KCTD16: variants seen among roughly 807,000 people sequenced by gnomAD.
KCTD16 encodes potassium channel tetramerization domain containing 16, also known as BTB/POZ domain-containing protein KCTD16.
KCTD16 carries 13 observed loss-of-function variants against 33.2 expected under a neutral mutation model. The ratio of observed to expected loss-of-function variants is 0.39; its 90% CI spans 0.25 to 0.62. KCTD16 has a LOEUF of 0.62. Ranked by LOEUF, KCTD16 falls within the 20% of genes least tolerant of loss-of-function variation. The pLI, the probability that KCTD16 is intolerant of heterozygous loss-of-function variation, is 0.50. For synonymous variants in KCTD16, 197 were observed against 195.3 expected, an observed-to-expected ratio of 1.01 and a Z score of -0.07; for missense variants, 441 against 525.1, an observed-to-expected ratio of 0.84 and a Z score of 1.57.
chr5:144,329,459 C>T lies in KCTD16; in HGVS notation c.832+121913C>T, dbSNP rs79651357. ...AGATCCCAACACCATAAAAAGTAAA[C>T]CCACAGCAGAGTGCTAAAAGATGAC... On this transcript the variant is annotated intron_variant, in intron 3 of 3. Transcript: ENST00000512467. 2.0e-3 allele frequency among the ~76,000 whole-genome samples: 301 copies of T among 152,190 alleles called. 1 individual carries two copies. Among genetic ancestry groups the T allele is most frequent in the Middle Eastern group, 3.4e-3 (1 of 294 alleles).
intron 3 of KCTD16, among the ~76,000 whole-genome samples, chr5:144,252,347 A>G (rs1398110415): frequency 6.6e-6 from 1 of 152,176 alleles, no homozygotes; most frequent in Admixed American, 6.5e-5. Context: ...ATCTAAAACC[A>G]AAGCAGAGTT....
chr5:144,261,195 A>G (rs1236883944), intron 3 of KCTD16, among the ~76,000 whole-genome samples: 5 of 151,530 alleles, frequency 3.3e-5, no homozygotes, highest in Non-Finnish European at 4.4e-5. Context: ...GAAAAAAAAA[A>G]AAGGAACAGT....
At chr5:144,419,015 G>T (rs908456487) in intron 3 of KCTD16, among the ~76,000 whole-genome samples, 5 of 152,066 alleles carry the variant, frequency 3.3e-5, no homozygotes, top group Non-Finnish European at 5.9e-5. Context: ...ATCATCTGTC[G>T]GTATCTTGTT....
chr5:144,235,718 A>G (rs865828128), intron 3 of KCTD16, among the ~76,000 whole-genome samples: 12 of 152,126 alleles, frequency 7.9e-5, no homozygotes, highest in South Asian at 2.1e-4. Context: ...ATAGAAAATT[A>G]TATTATAATG....
intron 3 of KCTD16, among the ~76,000 whole-genome samples, chr5:144,430,174 C>A (rs1299925080): frequency 6.6e-6 from 1 of 152,096 alleles, no homozygotes; most frequent in Admixed American, 6.6e-5. Flanking sequence ...CAACAGAGAC[C>A]TCATTTTCCC....
chr5:144,412,415 C>T (rs1423432541), intron 3 of KCTD16, among the ~76,000 whole-genome samples: 1 of 152,066 alleles, frequency 6.6e-6, no homozygotes, highest in Non-Finnish European at 1.5e-5. Context: ...GTGAAATAAG[C>T]TAGGCTGAGA....
Position 144,430,119 on chromosome 5 carries a change from T to G in KCTD16, c.833-43541T>G, listed in dbSNP as rs773707333. On this transcript the variant is annotated intron_variant, in intron 3 of 3. Coordinates refer to ENST00000512467, the MANE Select transcript of KCTD16 (RefSeq NM_020768.4). Reference sequence around the variant, plus strand: ...TATCTTCAGGGGCATCGTACCTGTGTAAGCCCTTGTGTGGTCATTGTTTTT... The same window carrying G: ...TATCTTCAGGGGCATCGTACCTGTGGAAGCCCTTGTGTGGTCATTGTTTTT... Among the ~76,000 whole-genome samples, 7 of 152,134 alleles carry G rather than the reference T, an allele frequency of 4.6e-5. No homozygotes were observed. In the South Asian group the frequency reaches 6.2e-4, roughly 13 times the overall value.
chr5:144,485,567 T>C lies in KCTD16; in HGVS notation c.*11453T>C, dbSNP rs1754789039. 1 of 151,940 alleles carries C rather than the reference T, an allele frequency of 6.6e-6. No homozygotes were observed. The highest frequency in any genetic ancestry group is 1.5e-5 in the Non-Finnish European group (1 of 67,900). The allele number at this position is 151,940 out of a possible 1,614,324, so 9.4% of individuals were successfully genotyped here. On this transcript the variant is annotated 3_prime_UTR_variant, in exon 4 of 4. Coordinates refer to ENST00000512467, the MANE Select transcript of KCTD16 (RefSeq NM_020768.4). ...TTAAAAGGAAGAACAGAAACTATAT[T>C]TCAGATTCTTGTGTGAATATAATTA...
chr5:144,349,291 C>G (rs557603484), intron 3 of KCTD16, among the ~76,000 whole-genome samples: 1 of 152,302 alleles, frequency 6.6e-6, no homozygotes, highest in Non-Finnish European at 1.5e-5. Flanking sequence ...TGAAGTCTGA[C>G]TCTACCCCTT....
chr5:144,215,185 G>A (rs1256778078), intron 3 of KCTD16, among the ~76,000 whole-genome samples: 1 of 152,142 alleles, frequency 6.6e-6, no homozygotes, highest in Non-Finnish European at 1.5e-5. Context: ...AAAGATTCTA[G>A]CTCTAGGGAA....
chr5:144,229,399 A>G (rs1754030627), intron 3 of KCTD16, among the ~76,000 whole-genome samples: 1 of 152,110 alleles, frequency 6.6e-6, no homozygotes, highest in African/African-American at 2.4e-5. Flanking sequence ...GTGTTGTTTG[A>G]AGTTGAGCTT....
At chr5:144,443,429 A>G (rs1753756036) in intron 3 of KCTD16, among the ~76,000 whole-genome samples, 1 of 151,520 alleles carries the variant, frequency 6.6e-6, no homozygotes, top group East Asian at 1.9e-4. Flanking sequence ...CTGGAGAGAG[A>G]GTCTGGTGGT....
At chr5:144,225,741 C>T (rs1753912535) in intron 3 of KCTD16, among the ~76,000 whole-genome samples, 1 of 152,190 alleles carries the variant, frequency 6.6e-6, no homozygotes, top group Admixed American at 6.5e-5. Context: ...AGCATGAAAC[C>T]TATGACTAAC....
intron 3 of KCTD16, among the ~76,000 whole-genome samples, chr5:144,317,670 C>G (rs1250846329): frequency 6.6e-6 from 1 of 152,198 alleles, no homozygotes; most frequent in Admixed American, 6.5e-5. Flanking sequence ...CCTTTCCTAT[C>G]CTACTAAGAA....
intron 3 of KCTD16, among the ~76,000 whole-genome samples, chr5:144,311,255 C>T (rs932851758): frequency 2.0e-5 from 3 of 152,068 alleles, no homozygotes; most frequent in Non-Finnish European, 4.4e-5. Flanking sequence ...GCACATTGTG[C>T]ACAAGTACTG....
At chr5:144,219,475 A>G (rs563795268) in intron 3 of KCTD16, among the ~76,000 whole-genome samples, 1 of 147,002 alleles carries the variant, frequency 6.8e-6, no homozygotes, top group South Asian at 2.1e-4. Context: ...CAGCCTCCCA[A>G]AGTGCTAGGA....
chr5:144,335,315 A>G (rs1752459808), intron 3 of KCTD16, among the ~76,000 whole-genome samples: 2 of 152,236 alleles, frequency 1.3e-5, no homozygotes, highest in Admixed American at 6.5e-5. Flanking sequence ...GACTCTTTAG[A>G]AAAATGTGAC....
intron 3 of KCTD16, among the ~76,000 whole-genome samples, chr5:144,413,609 G>C (rs746110543): frequency 6.6e-6 from 1 of 152,126 alleles, no homozygotes; most frequent in African/African-American, 2.4e-5. Flanking sequence ...CCCTTGAAGG[G>C]GAAGGAAATC....
At chr5:144,289,765 T>C (rs1312421419) in intron 3 of KCTD16, among the ~76,000 whole-genome samples, 1 of 152,076 alleles carries the variant, frequency 6.6e-6, no homozygotes, top group African/African-American at 2.4e-5. Flanking sequence ...AAGAACCCAA[T>C]TGGCTACTAG....
Sources: allele counts gnomAD v4.1 joint callset (sites outside exome capture counted in the v4.1 genomes callset), GRCh38; gene constraint gnomAD v4.1.1; transcripts MANE v1.5; gene names NCBI Gene and HGNC (gene_info 2026-07-23, HGNC 2026-07-21).